Variants in TAOK3 observed in about 807,000 individuals in gnomAD.
TAOK3 encodes the protein TAO kinase 3, also known as serine/threonine-protein kinase TAO3.
Under a neutral mutation model 120.4 loss-of-function variants are expected in TAOK3, and 40 were observed. The ratio of observed to expected loss-of-function variants is 0.33; its 90% CI spans 0.26 to 0.43. TAOK3 has a LOEUF of 0.43. Among genes scored for constraint, TAOK3 ranks in the 20% least tolerant of loss-of-function variants. The pLI is 1.00. For missense variants in TAOK3, 821 were observed against 1,112.1 expected, an observed-to-expected ratio of 0.74 and a Z score of 3.72; for synonymous variants, 355 against 387.5, an observed-to-expected ratio of 0.92 and a Z score of 0.99.
chr12:118,279,178 G>A (rs2042006075), intron 1 of TAOK3, among the ~76,000 whole-genome samples: 1 of 152,144 alleles, frequency 6.6e-6, no homozygotes, highest in Admixed American at 6.6e-5. Flanking sequence ...AATGATTAGT[G>A]ATGGTGAGCA....
intron 1 of TAOK3, among the ~76,000 whole-genome samples, chr12:118,341,534 A>G (rs1226113855): frequency 6.6e-6 from 1 of 152,220 alleles, no homozygotes; most frequent in Non-Finnish European, 1.5e-5. Flanking sequence ...TATAAAAACC[A>G]GATTAAGTTG....
chr12:118,193,811 T>G (rs748788821), intron 13 of TAOK3, among the ~76,000 whole-genome samples: 5 of 152,212 alleles, frequency 3.3e-5, no homozygotes, highest in African/African-American at 1.2e-4. Flanking sequence ...TGGACTCAGT[T>G]GTGCTTTGGG....
intron 14 of TAOK3, among the ~76,000 whole-genome samples, chr12:118,181,996 C>T (rs2036756951): frequency 6.6e-6 from 1 of 152,218 alleles, no homozygotes; most frequent in Admixed American, 6.5e-5. Context: ...ACCAGCCTGG[C>T]CAACATGGTA....
intron 1 of TAOK3, among the ~76,000 whole-genome samples, chr12:118,346,023 C>T (rs554782385): frequency 6.6e-6 from 1 of 151,898 alleles, no homozygotes; most frequent in Non-Finnish European, 1.5e-5. Flanking sequence ...AATTACTATT[C>T]CTAAAAATAC....
chr12:118,363,867 A>T (rs555220285), intron 1 of TAOK3, among the ~76,000 whole-genome samples: 1 of 152,186 alleles, frequency 6.6e-6, no homozygotes, highest in South Asian at 2.1e-4. Flanking sequence ...CATGCCTGTA[A>T]TCCCAACAGT....
Position 118,243,457 on chromosome 12 carries a change from A to G in TAOK3, c.252T>C (p.Thr84=), listed in dbSNP as rs2040341946. ...TCAAGTAACAGCCTTTGTACTCAAT[A>G]GTATTAGGATGCTTCAATTGTCGTA... ...KFLRQLKHPN[T]IEYKGCYLKE... Residue 84 remains threonine, a synonymous_variant, in exon 5 of 21, where the codon ACT becomes ACC. Coordinates refer to ENST00000392533, the MANE Select transcript of TAOK3 (RefSeq NM_016281.4). The G allele has an allele frequency of 6.4e-7, 1 of 1,563,170 alleles. No homozygotes were observed.
chr12:118,267,884 C>CAAA lies in TAOK3; in HGVS notation c.-193-1128_-193-1126dup, dbSNP rs60331520. 1.0e-4 allele frequency among the ~76,000 whole-genome samples: 8 copies of CAAA among 78,832 alleles called. 1 individual carries two copies. The South Asian group carries it at 2.1e-3, about 20-fold the overall frequency. 51.7% of individuals were successfully genotyped at this position (78,832 alleles called of 152,430 possible). On this transcript the variant is annotated intron_variant, in intron 1 of 20. Transcript: ENST00000392533. Reference sequence around the variant, plus strand: ...TGGGTGACAGAGTGAGACTCCATCTCAAAAAAAAAAAAAAAAAAGGAAAGA... The same window carrying CAAA: ...TGGGTGACAGAGTGAGACTCCATCTCAAAAAAAAAAAAAAAAAAAAAGGAAAGA...
Position 118,311,325 on chromosome 12 carries a change from G to A in TAOK3, c.-193-44566C>T, listed in dbSNP as rs956708187. The stretch of plus-strand genomic sequence containing the variant: ...AAAATACAAAAATTAGCTGGGTGTG[G>A]TAGTGGGCACCTGTAATCCCAGCTA... On this transcript the variant is annotated intron_variant, in intron 1 of 20. Coordinates refer to ENST00000392533, the MANE Select transcript of TAOK3 (RefSeq NM_016281.4). Among the ~76,000 whole-genome samples the A allele has an allele frequency of 5.3e-5, 8 of 152,166 alleles. No individual in the cohort carries two copies. In the East Asian group the frequency reaches 1.2e-3, roughly 22 times the overall value.
intron 17 of TAOK3, among the ~76,000 whole-genome samples, chr12:118,167,525 A>C (rs1488133693): frequency 6.6e-6 from 1 of 152,040 alleles, no homozygotes; most frequent in Non-Finnish European, 1.5e-5. Context: ...GCCATACAAC[A>C]AAATACTATT....
At chr12:118,313,686 A>G (rs2043346093) in intron 1 of TAOK3, among the ~76,000 whole-genome samples, 1 of 152,256 alleles carries the variant, frequency 6.6e-6, no homozygotes, top group African/African-American at 2.4e-5. Context: ...ACACTTGAAT[A>G]GTAAGCTTTT....
intron 1 of TAOK3, among the ~76,000 whole-genome samples, chr12:118,302,822 T>G (rs1332179164): frequency 6.6e-6 from 1 of 152,176 alleles, no homozygotes; most frequent in Admixed American, 6.6e-5. Context: ...CTCAAAATAT[T>G]TGGAAAACAC....
Position 118,267,701 on chromosome 12 carries a change from A to G in TAOK3, c.-193-942T>C, listed in dbSNP as rs1477268506. Among the ~76,000 whole-genome samples, 6 of 149,154 alleles carry G rather than the reference A, an allele frequency of 4.0e-5. No individual in the cohort carries two copies. The East Asian group carries it at 6.4e-4, about 16-fold the overall frequency. ...GGAGTTCAAGACCAGCCTGACCAAC[A>G]TGGTGAAACCCCGTCTCTACTGAAA... is the stretch of plus-strand genomic sequence containing the variant. On this transcript the variant is annotated intron_variant, in intron 1 of 20. Transcript: ENST00000392533.
At chr12:118,295,561 G>C (rs993913922) in intron 1 of TAOK3, among the ~76,000 whole-genome samples, 1 of 152,080 alleles carries the variant, frequency 6.6e-6, no homozygotes, top group African/African-American at 2.4e-5. Context: ...AAATGTACAT[G>C]TTTTCTCTCT....
intron 2 of TAOK3, among the ~76,000 whole-genome samples, chr12:118,258,564 AT>A (rs1389832778): frequency 6.6e-6 from 1 of 151,992 alleles, no homozygotes; most frequent in Non-Finnish European, 1.5e-5. Flanking sequence ...AAATACAAAA[AT>A]TAGCTAGGTG....
intron 9 of TAOK3, among the ~76,000 whole-genome samples, chr12:118,231,086 A>G (rs141397186): frequency 3.3e-5 from 5 of 152,326 alleles, no homozygotes; most frequent in Non-Finnish European, 5.9e-5. Flanking sequence ...GTGAAAAACC[A>G]AAGTACAGAA....
At chr12:118,188,170 G>A (rs1448232691) in intron 14 of TAOK3, among the ~76,000 whole-genome samples, 1 of 152,194 alleles carries the variant, frequency 6.6e-6, no homozygotes, top group Non-Finnish European at 1.5e-5. Context: ...GATGGTACTC[G>A]GTTGCTCAGA....
chr12:118,263,425 GGTTA>G (rs2140240330), intron 2 of TAOK3, among the ~76,000 whole-genome samples: 1 of 152,066 alleles, frequency 6.6e-6, no homozygotes, highest in East Asian at 1.9e-4. Context: ...TGTGACCCCA[GGTTA>G]GTTAAAAATT....
Position 118,175,039 on chromosome 12 carries a change from T to C in TAOK3, c.1695+2162A>G, listed in dbSNP as rs992452144. 3.3e-5 allele frequency among the ~76,000 whole-genome samples: 5 copies of C among 152,278 alleles called. No individual in the cohort carries two copies. The Middle Eastern group carries it at 0.014, about 414-fold the overall frequency. ...GATCCAGCAACATCATATTATGATATAAAAATTAAGCTCAAGCCAATAACT... is the reference window on the plus strand; with the variant it reads ...GATCCAGCAACATCATATTATGATACAAAAATTAAGCTCAAGCCAATAACT... On this transcript the variant is annotated intron_variant, in intron 16 of 20. Transcript: ENST00000392533.
intron 1 of TAOK3, among the ~76,000 whole-genome samples, chr12:118,368,905 T>TCCCA (rs113239685): frequency 1.9e-4 from 28 of 149,162 alleles, no homozygotes; most frequent in African/African-American, 6.2e-4. Flanking sequence ...ATGCCTGTAA[T>TCCCA]CCCAGCACTT....
Sources: allele counts gnomAD v4.1 joint callset (sites outside exome capture counted in the v4.1 genomes callset), GRCh38; gene constraint gnomAD v4.1.1; transcripts MANE v1.5; gene names NCBI Gene and HGNC (gene_info 2026-07-23, HGNC 2026-07-21).